The following THSD7B variants were observed in gnomAD, a reference collection of about 807,000 sequenced individuals.
THSD7B encodes thrombospondin type 1 domain containing 7B.
THSD7B carries 138 observed loss-of-function variants against 213.6 expected under a neutral mutation model. The observed-to-expected ratio is 0.65, with a 90% CI of 0.56 to 0.74. The LOEUF (loss-of-function observed/expected upper bound fraction) is 0.74, where lower values mean the gene tolerates loss of function less well. THSD7B is among the 30% of genes least tolerant of loss of function. The pLI is 0.00. For synonymous variants in THSD7B, 742 were observed against 687.0 expected (o/e 1.08, Z -1.25); for missense variants, 1,931 against 1,991.5 (o/e 0.97, Z 0.58).
At chr2:137,248,101 C>T (rs575196190) in intron 10 of THSD7B, among the ~76,000 whole-genome samples, 3 of 152,202 alleles carry the variant, frequency 2.0e-5, no homozygotes, top group East Asian at 1.9e-4. Context: ...ATATTTTCAG[C>T]GTTAAAACTC....
intron 1 of THSD7B, among the ~76,000 whole-genome samples, chr2:136,795,690 C>G (rs1407509478): frequency 1.3e-5 from 2 of 151,722 alleles, no homozygotes; most frequent in East Asian, 1.9e-4. Context: ...TACCATCTTG[C>G]CTTTATTTTC....
intron 4 of THSD7B, among the ~76,000 whole-genome samples, chr2:137,106,272 C>A (rs1688248862): frequency 6.6e-6 from 1 of 151,648 alleles, no homozygotes; most frequent in East Asian, 1.9e-4. Context: ...CTTTGACAAA[C>A]CTGACACAAA....
chr2:137,645,458 G>A (rs1483779498), intron 21 of THSD7B, among the ~76,000 whole-genome samples: 1 of 152,174 alleles, frequency 6.6e-6, no homozygotes, highest in Non-Finnish European at 1.5e-5. Flanking sequence ...CTGTGGATGA[G>A]TGAATGTTTG....
intron 7 of THSD7B, among the ~76,000 whole-genome samples, chr2:137,174,898 A>G (rs12105892): frequency 0.012 from 1,884 of 152,300 alleles, 33 homozygotes; most frequent in African/African-American, 0.041. Context: ...ATGTAAATGG[A>G]GTGAGATTCA....
chr2:136,798,542 A>C (rs964977446), intron 1 of THSD7B, among the ~76,000 whole-genome samples: 1 of 151,996 alleles, frequency 6.6e-6, no homozygotes, highest in African/African-American at 2.4e-5. Context: ...TAGTACCCCT[A>C]TCTGCTTCCC....
At position 137,082,313 on chromosome 2, in the gene THSD7B, G is replaced by A. The variant is rs568556651; in HGVS notation, c.951-12560G>A. Among the ~76,000 whole-genome samples, 9 of 152,166 alleles carry A rather than the reference G, an allele frequency of 5.9e-5. No individual in the cohort carries two copies. In the East Asian group the frequency reaches 1.5e-3, roughly 26 times the overall value. On this transcript the variant is annotated intron_variant, in intron 3 of 27. Transcript: ENST00000409968. ...AATTTGAAAGTGTGTATATGTGTGTGTGTTCATGTTCTGTCTCTAGTAATG... is the reference window on the plus strand; with the variant it reads ...AATTTGAAAGTGTGTATATGTGTGTATGTTCATGTTCTGTCTCTAGTAATG...
chr2:137,618,099 G>T (rs954839052), intron 18 of THSD7B, among the ~76,000 whole-genome samples: 1 of 152,122 alleles, frequency 6.6e-6, no homozygotes, highest in African/African-American at 2.4e-5. Flanking sequence ...TTACCATCCT[G>T]GTTAGTATCT....
intron 16 of THSD7B, among the ~76,000 whole-genome samples, chr2:137,564,793 G>A (rs10496779): frequency 0.26 from 39,957 of 151,974 alleles, 5,341 homozygotes; most frequent in Middle Eastern, 0.36. Flanking sequence ...TAAACCTACA[G>A]AGCCCGATAT....
intron 1 of THSD7B, among the ~76,000 whole-genome samples, chr2:136,832,289 C>T (rs540535791): frequency 5.9e-5 from 9 of 151,902 alleles, no homozygotes; most frequent in African/African-American, 2.2e-4. Context: ...ATGCCATCTG[C>T]AAGCTGGAGA....
intron 3 of THSD7B, among the ~76,000 whole-genome samples, chr2:137,091,320 G>A (rs1687944547): frequency 6.6e-6 from 1 of 152,124 alleles, no homozygotes; most frequent in African/African-American, 2.4e-5. Flanking sequence ...TGTATACAGA[G>A]AATGAAATAG....
At chr2:137,666,806 G>A (rs1448797509) in intron 26 of THSD7B, among the ~76,000 whole-genome samples, 5 of 151,846 alleles carry the variant, frequency 3.3e-5, no homozygotes, top group Non-Finnish European at 7.4e-5. Flanking sequence ...ATATATTTGT[G>A]AATATATGTA....
chr2:137,588,136 G>A (rs1681781678), intron 17 of THSD7B, among the ~76,000 whole-genome samples: 1 of 152,220 alleles, frequency 6.6e-6, no homozygotes, highest in African/African-American at 2.4e-5. Context: ...TCCGAGCCAG[G>A]CACGGGATAT....
At chr2:137,278,622 A>AGGGAG (rs1402515751) in intron 12 of THSD7B, among the ~76,000 whole-genome samples, 2 of 152,062 alleles carry the variant, frequency 1.3e-5, no homozygotes, top group African/African-American at 4.8e-5. Flanking sequence ...CTAGGAAGAA[A>AGGGAG]GGGAGGGGAA....
At chr2:137,588,111 A>G (rs912387972) in intron 17 of THSD7B, among the ~76,000 whole-genome samples, 8 of 152,198 alleles carry the variant, frequency 5.3e-5, no homozygotes, top group Non-Finnish European at 1.2e-4. Context: ...GTGAGGCTCC[A>G]AGGGCGTGGG....
intron 12 of THSD7B, among the ~76,000 whole-genome samples, chr2:137,327,486 C>T (rs1266914880): frequency 6.6e-6 from 1 of 151,982 alleles, no homozygotes; most frequent in Non-Finnish European, 1.5e-5. Flanking sequence ...CTCTGTTTTC[C>T]TTTTCTCTTT....
chr2:137,273,938 G>A (rs928752338), intron 11 of THSD7B, among the ~76,000 whole-genome samples: 3 of 152,018 alleles, frequency 2.0e-5, no homozygotes, highest in African/African-American at 7.2e-5. Context: ...TATGAACCCA[G>A]GGTTGTTATA....
chr2:137,287,352 G>T (rs112692380), intron 12 of THSD7B, among the ~76,000 whole-genome samples: 3,617 of 152,168 alleles, frequency 0.024, 67 homozygotes, highest in African/African-American at 0.043. Flanking sequence ...ATAACAAAAG[G>T]ATGTGTTTTA....
At chr2:137,642,736 GT>G in intron 21 of THSD7B, 103 bp downstream of exon 21, 1 of 1,350,660 alleles carries the variant, frequency 7.4e-7, no homozygotes, top group Non-Finnish European at 1.0e-6. Flanking sequence ...AGCACCAGGG[GT>G]CTGGCACAAT....
chr2:137,451,327 T>C (rs996324697), intron 15 of THSD7B, among the ~76,000 whole-genome samples: 4 of 151,582 alleles, frequency 2.6e-5, no homozygotes, highest in Admixed American at 2.0e-4. Context: ...GATATATATA[T>C]GTGTGTATAT....
Sources: allele counts gnomAD v4.1 joint callset (sites outside exome capture counted in the v4.1 genomes callset), GRCh38; gene constraint gnomAD v4.1.1; transcripts MANE v1.5; gene names NCBI Gene and HGNC (gene_info 2026-07-23, HGNC 2026-07-21).